The following VCL variants were observed in gnomAD, a reference collection of about 807,000 sequenced individuals.
The protein encoded by VCL is vinculin.
Under a neutral mutation model 125.7 loss-of-function variants are expected in VCL, and 47 were observed. The ratio of observed to expected loss-of-function variants is 0.37; its 90% CI spans 0.30 to 0.48. The LOEUF (loss-of-function observed/expected upper bound fraction) is 0.48, where lower values mean the gene tolerates loss of function less well. Ranked by LOEUF, VCL falls within the 20% of genes least tolerant of loss-of-function variation. The probability of loss-of-function intolerance (pLI) is 0.99; values close to 1 mark genes in which losing one functional copy is unlikely to be tolerated. For missense variants in VCL, 1,069 were observed against 1,455.5 expected (o/e 0.73, Z 4.32); for synonymous variants, 458 against 514.6 (o/e 0.89, Z 1.49).
chr10:74,065,538 A>G, intron 2 of VCL, among the ~76,000 whole-genome samples: 1 of 152,190 alleles, frequency 6.6e-6, no homozygotes, highest in East Asian at 1.9e-4. Flanking sequence ...AAAAATAAAC[A>G]TAATTAGCTG....
chr10:74,043,235 CT>C (rs1174656343), intron 2 of VCL, 82 bp downstream of exon 2: 287 of 1,282,060 alleles, frequency 2.2e-4, no homozygotes, highest in Non-Finnish European at 2.5e-4. Flanking sequence ...TCAGTAACAA[CT>C]TTTTTTTGGT....
At chr10:74,048,678 C>T (rs1841239744) in intron 2 of VCL, among the ~76,000 whole-genome samples, 1 of 152,076 alleles carries the variant, frequency 6.6e-6, no homozygotes, top group African/African-American at 2.4e-5. Flanking sequence ...TACTGATTGC[C>T]TTCTATGTGC....
rs368569550 is a variant in VCL at position 74,097,182 on chromosome 10, A to G, written c.1744-22A>G. 1.2e-6 allele frequency: 2 copies of G among 1,612,296 alleles called. No homozygotes were observed. Among genetic ancestry groups the G allele is most frequent in the Non-Finnish European group, 1.7e-6 (2 of 1,179,240 alleles). On this transcript the variant is annotated intron_variant, in intron 12 of 21. Transcript: ENST00000211998. This position sits in a 1 kb window ranked among gnomAD's most constrained non-coding sequence, Gnocchi z 4.1. ...TTTGAGGATGTATCTGGACATTTTC[A>G]TATGTAAACAATGTTTTTAAGGATC...
intron 2 of VCL, among the ~76,000 whole-genome samples, chr10:74,051,957 C>A (rs1000111573): frequency 3.3e-5 from 5 of 152,124 alleles, no homozygotes; most frequent in Admixed American, 1.3e-4. Context: ...CTAGAGGCAG[C>A]GTGCCCAGAG....
At chr10:74,028,645 C>T (rs1309648613) in intron 1 of VCL, among the ~76,000 whole-genome samples, 2 of 152,112 alleles carry the variant, frequency 1.3e-5, no homozygotes, top group African/African-American at 4.8e-5. Flanking sequence ...GATCCACTCA[C>T]CTTGGCCTCC....
At chr10:74,041,713 G>A (rs1841097145) in intron 1 of VCL, among the ~76,000 whole-genome samples, 1 of 148,534 alleles carries the variant, frequency 6.7e-6, no homozygotes, top group African/African-American at 2.5e-5. Flanking sequence ...CCAACATGGT[G>A]AAACCCCATC....
At chr10:74,108,890 G>T in intron 17 of VCL, 81 bp from the exon 18 acceptor site, 4 of 1,567,450 alleles carry the variant, frequency 2.6e-6, no homozygotes, top group Non-Finnish European at 2.6e-6. Context: ...GTTTTCTAGG[G>T]ATGCTTTTTA....
At chr10:74,078,442 GCTTT>G (rs1839628481) in intron 6 of VCL, among the ~76,000 whole-genome samples, 1 of 152,136 alleles carries the variant, frequency 6.6e-6, no homozygotes, top group African/African-American at 2.4e-5. Context: ...TCATTTGTGG[GCTTT>G]CTATGAGCAA....
chr10:74,106,299 T>C (rs1056899044), intron 16 of VCL, among the ~76,000 whole-genome samples: 2 of 152,268 alleles, frequency 1.3e-5, no homozygotes, highest in Non-Finnish European at 2.9e-5. Context: ...TGATAACCAA[T>C]TTACCATCCA....
intron 9 of VCL, among the ~76,000 whole-genome samples, chr10:74,089,557 G>A (rs775842277): frequency 1.3e-5 from 2 of 152,258 alleles, no homozygotes; most frequent in Middle Eastern, 3.4e-3. Flanking sequence ...TTGAAATAAA[G>A]ATCTTAATTT....
chr10:74,108,863 G>A, intron 17 of VCL, 108 bp from the exon 18 acceptor site: 1 of 1,233,248 alleles, frequency 8.1e-7, no homozygotes, highest in Non-Finnish European at 1.2e-6. Flanking sequence ...GGTCTTATGT[G>A]GAGTCAATAT....
Position 74,111,600 on chromosome 10 carries a change from C to A in VCL, c.2746-309C>A, listed in dbSNP as rs543076234. On this transcript the variant is annotated intron_variant, in intron 18 of 21. Coordinates refer to ENST00000211998, the MANE Select transcript of VCL (RefSeq NM_014000.3). ...TGAGAATCACTCTTGTCAAGTTTGA[C>A]TTTAGTATCAAGTATATTAAAGAAA... 2.6e-5 allele frequency among the ~76,000 whole-genome samples: 4 copies of A among 152,270 alleles called. No homozygotes were observed. The East Asian group carries it at 7.7e-4, about 29-fold the overall frequency.
intron 1 of VCL, among the ~76,000 whole-genome samples, chr10:74,026,241 CA>C (rs1840770376): frequency 1.3e-5 from 2 of 152,326 alleles, no homozygotes; most frequent in East Asian, 3.9e-4. Flanking sequence ...CAAGTTTTAG[CA>C]TGCTTTTCTA....
At chr10:74,094,201 A>G (rs1839930622) in intron 10 of VCL, 70 bp from the exon 11 acceptor site, 3 of 1,587,864 alleles carry the variant, frequency 1.9e-6, no homozygotes, top group South Asian at 2.3e-5. Context: ...AGCATTTGTC[A>G]TTAGCAGCTA....
At chr10:74,078,138 T>TA (rs977003209) in intron 6 of VCL, among the ~76,000 whole-genome samples, 1 of 151,728 alleles carries the variant, frequency 6.6e-6, no homozygotes, top group African/African-American at 2.4e-5. Context: ...GATAAAAAAT[T>TA]AAAAAAAAAT....
chr10:74,060,298 C>G (rs1199899143), intron 2 of VCL, among the ~76,000 whole-genome samples: 1 of 151,824 alleles, frequency 6.6e-6, no homozygotes, highest in East Asian at 1.9e-4. Context: ...GAGCGAGACA[C>G]TGTCTAGAAA....
rs1840128948 is a variant in VCL, at chr10:74,106,060, A to G, written c.2434+707A>G. On this transcript the variant is annotated intron_variant, in intron 16 of 21. Transcript: ENST00000211998. ...CCCAGCCTCCTGAGTAGCTGGGATTACAGGCTCCCACCACCACACCCAGCT... is the reference window on the plus strand; with the variant it reads ...CCCAGCCTCCTGAGTAGCTGGGATTGCAGGCTCCCACCACCACACCCAGCT... 2.0e-5 allele frequency among the ~76,000 whole-genome samples: 3 copies of G among 151,150 alleles called. No homozygotes were observed. In the South Asian group the frequency reaches 6.3e-4, roughly 32 times the overall value.
chr10:74,107,975 T>C (rs912026633), intron 17 of VCL, among the ~76,000 whole-genome samples: 3 of 152,212 alleles, frequency 2.0e-5, no homozygotes, highest in African/African-American at 2.4e-5. Context: ...TAGACACTTA[T>C]TCCAACTAAC....
At chr10:74,029,058 A>G (rs529557544) in intron 1 of VCL, among the ~76,000 whole-genome samples, 22 of 151,402 alleles carry the variant, frequency 1.5e-4, no homozygotes, top group Non-Finnish European at 2.9e-4. Context: ...GCCTCAAGTG[A>G]TCCACCCACT....
Sources: allele counts gnomAD v4.1 joint callset (sites outside exome capture counted in the v4.1 genomes callset), GRCh38; gene constraint gnomAD v4.1.1; non-coding constraint Gnocchi (gnomAD v3.1); transcripts MANE v1.5; gene names NCBI Gene and HGNC (gene_info 2026-07-23, HGNC 2026-07-21).